The following RNF150 variants were observed in gnomAD, a reference collection of about 807,000 sequenced individuals.
The protein encoded by RNF150 is ring finger protein 150.
A neutral mutation model predicts 39.3 loss-of-function variants in RNF150; 24 were observed. The observed-to-expected ratio is 0.61, with a 90% CI of 0.44 to 0.86. RNF150 has a LOEUF of 0.86. Ranked by LOEUF, RNF150 falls within the 40% of genes least tolerant of loss-of-function variation. The pLI is 0.00. For synonymous variants in RNF150, 255 were observed against 227.3 expected (o/e 1.12, Z -1.10); for missense variants, 502 against 587.8 (o/e 0.85, Z 1.51).
intron 1 of RNF150, among the ~76,000 whole-genome samples, chr4:141,157,888 C>T (rs1727439724): frequency 6.6e-6 from 1 of 152,188 alleles, no homozygotes; most frequent in African/African-American, 2.4e-5. Flanking sequence ...GAGGTTATTG[C>T]ATTTGCTCTA....
intron 6 of RNF150, among the ~76,000 whole-genome samples, chr4:140,871,374 A>C (rs1728932531): frequency 6.6e-6 from 1 of 152,164 alleles, no homozygotes; most frequent in Non-Finnish European, 1.5e-5. Flanking sequence ...TCTTAATAAA[A>C]AATGCCTGCT....
At chr4:141,202,236 G>A (rs1363585533) in intron 1 of RNF150, among the ~76,000 whole-genome samples, 7 of 152,070 alleles carry the variant, frequency 4.6e-5, no homozygotes, top group Non-Finnish European at 7.4e-5. Context: ...AATCTTAAAT[G>A]TTCCCTGTCT....
At chr4:141,007,234 T>G (rs1459661317) in intron 1 of RNF150, among the ~76,000 whole-genome samples, 1 of 152,158 alleles carries the variant, frequency 6.6e-6, no homozygotes, top group Non-Finnish European at 1.5e-5. Context: ...ATAATAGAGA[T>G]TTATTGAACA....
intron 1 of RNF150, among the ~76,000 whole-genome samples, chr4:141,087,805 C>T (rs1738423950): frequency 1.3e-5 from 2 of 152,152 alleles, no homozygotes; most frequent in South Asian, 2.1e-4. Context: ...AGGGTAGTTA[C>T]ATCTTTTGTA....
At chr4:141,054,843 G>A (rs982742364) in intron 1 of RNF150, among the ~76,000 whole-genome samples, 1 of 152,134 alleles carries the variant, frequency 6.6e-6, no homozygotes, top group African/African-American at 2.4e-5. Context: ...AAACGATGAG[G>A]TGAGTGCACA....
chr4:140,929,047 C>T (rs142786956), intron 4 of RNF150, among the ~76,000 whole-genome samples: 23 of 152,270 alleles, frequency 1.5e-4, no homozygotes, highest in Non-Finnish European at 2.8e-4. Context: ...AACTTGCTCA[C>T]CAACTGGTGT....
At chr4:140,909,469 C>G (rs959186911) in intron 6 of RNF150, among the ~76,000 whole-genome samples, 1 of 151,930 alleles carries the variant, frequency 6.6e-6, no homozygotes, top group African/African-American at 2.4e-5. Flanking sequence ...AATTTAAGTT[C>G]TTTACTGTTT....
At chr4:140,950,897 C>T (rs952611673) in intron 2 of RNF150, among the ~76,000 whole-genome samples, 2 of 152,136 alleles carry the variant, frequency 1.3e-5, no homozygotes, top group African/African-American at 4.8e-5. Context: ...GAGACCTATG[C>T]CCTTGAGATT....
intron 6 of RNF150, among the ~76,000 whole-genome samples, chr4:140,906,748 G>A (rs183626998): frequency 6.6e-6 from 1 of 152,286 alleles, no homozygotes; most frequent in Admixed American, 6.5e-5. Flanking sequence ...GTGCTTTTCA[G>A]AATGTATGGG....
At chr4:141,078,351 T>A (rs1737982258) in intron 1 of RNF150, among the ~76,000 whole-genome samples, 1 of 152,224 alleles carries the variant, frequency 6.6e-6, no homozygotes, top group African/African-American at 2.4e-5. Flanking sequence ...TTTGAAACGG[T>A]GTACTGGGGG....
intron 1 of RNF150, among the ~76,000 whole-genome samples, chr4:141,121,147 C>T (rs1726591956): frequency 6.6e-6 from 1 of 152,176 alleles, no homozygotes; most frequent in South Asian, 2.1e-4. Flanking sequence ...TGATGGACAG[C>T]ATAGGAGGCT....
Position 140,909,758 on chromosome 4 carries a change from C to CT in RNF150, c.1198+1385dup, listed in dbSNP as rs1345848734. ...AGGGGTCAAAATCCATCTTTAATGG[C>CT]TTTTAAATGCCTAATGGTCAACATT... On this transcript the variant is annotated intron_variant, in intron 6 of 6. Transcript: ENST00000515673. 8.5e-5 allele frequency among the ~76,000 whole-genome samples: 13 copies of CT among 152,228 alleles called. No individual in the cohort carries two copies. In the East Asian group the frequency reaches 2.5e-3, roughly 29 times the overall value.
At chr4:141,194,648 A>G (rs548824907) in intron 1 of RNF150, among the ~76,000 whole-genome samples, 2 of 152,266 alleles carry the variant, frequency 1.3e-5, no homozygotes, top group South Asian at 4.1e-4. Context: ...TCCTCACACA[A>G]TGCTAGAGTA....
chr4:141,160,085 C>T (rs1386642401), intron 1 of RNF150, among the ~76,000 whole-genome samples: 1 of 152,138 alleles, frequency 6.6e-6, no homozygotes, highest in Non-Finnish European at 1.5e-5. Flanking sequence ...TTGTCAGGCC[C>T]CACCCCAGAA....
At chr4:140,917,149 A>G (rs1442121949) in intron 5 of RNF150, among the ~76,000 whole-genome samples, 1 of 152,232 alleles carries the variant, frequency 6.6e-6, no homozygotes, top group East Asian at 1.9e-4. Flanking sequence ...GAGCAAAATA[A>G]CCAGCTAACA....
chr4:141,020,444 C>T (rs1195749914), intron 1 of RNF150, among the ~76,000 whole-genome samples: 2 of 152,152 alleles, frequency 1.3e-5, no homozygotes, highest in African/African-American at 4.8e-5. Context: ...AACTTAATCT[C>T]TGCTAGCCAA....
In RNF150 at chr4:141,152,798, A is replaced by T. The variant is rs1006592871; in HGVS notation, c.-6+59996T>A. On this transcript the variant is annotated intron_variant, in intron 1 of 7. Coordinates refer to the RNF150 transcript ENST00000420921. Reference sequence around the variant, plus strand: ...ATATGTAACATCATATAATGGGAAGAATACTAAATTAGCCTTTGAAAGCAA... The same window carrying T: ...ATATGTAACATCATATAATGGGAAGTATACTAAATTAGCCTTTGAAAGCAA... Among the ~76,000 whole-genome samples, 4 of 152,222 alleles carry T rather than the reference A, an allele frequency of 2.6e-5. No individual in the cohort carries two copies. The South Asian group carries it at 6.2e-4, about 24-fold the overall frequency.
chr4:141,080,331 A>G (rs1473007649), intron 1 of RNF150, among the ~76,000 whole-genome samples: 1 of 152,178 alleles, frequency 6.6e-6, no homozygotes, highest in African/African-American at 2.4e-5. Flanking sequence ...ATTTTTTACA[A>G]TGACAAATAC....
chr4:140,926,153 A>G, intron 4 of RNF150, 80 bp from the exon 5 acceptor site: 1 of 1,000,260 alleles, frequency 1.0e-6, no homozygotes, highest in South Asian at 1.3e-5. Flanking sequence ...GACTCGTCCA[A>G]GGTCACAAAA....
Sources: allele counts gnomAD v4.1 joint callset (sites outside exome capture counted in the v4.1 genomes callset), GRCh38; gene constraint gnomAD v4.1.1; transcripts MANE v1.5; gene names NCBI Gene and HGNC (gene_info 2026-07-23, HGNC 2026-07-21).